Variants in KDM4C observed in about 807,000 individuals in gnomAD.
The protein encoded by KDM4C is lysine demethylase 4C.
In KDM4C, 81 loss-of-function variants were observed where a neutral mutation model predicts 129.3. The observed-to-expected ratio is 0.63, with a 90% CI of 0.52 to 0.75. The LOEUF (loss-of-function observed/expected upper bound fraction) is 0.75, where lower values mean the gene tolerates loss of function less well. Ranked by LOEUF, KDM4C falls within the 30% of genes least tolerant of loss-of-function variation. KDM4C has a pLI of 0.00. For synonymous variants in KDM4C, 573 were observed against 456.1 expected, an observed-to-expected ratio of 1.26 and a Z score of -3.26; for missense variants, 1,457 against 1,304.0, an observed-to-expected ratio of 1.12 and a Z score of -1.81.
intron 8 of KDM4C, among the ~76,000 whole-genome samples, chr9:6,926,645 C>T (rs1203229105): frequency 2.6e-5 from 4 of 152,178 alleles, no homozygotes; most frequent in Non-Finnish European, 5.9e-5. Flanking sequence ...GCTAAGAACA[C>T]ATGGTGGGAA....
Position 6,849,677 on chromosome 9 carries a change from C to T in KDM4C, c.606C>T (p.Leu202=), listed in dbSNP as rs989646532. 10 of 1,594,276 alleles carry T rather than the reference C, an allele frequency of 6.3e-6. No individual in the cohort carries two copies. The South Asian group carries it at 9.0e-5, about 14-fold the overall frequency. ...TGGACCTCTATAGCATTAATTATCT[C>T]CACTTTGGAGAGCCCAAGTCTTGGC... ...EDMDLYSINY[L]HFGEPKSWYA... The change falls in exon 5 of 22, where the codon CTC becomes CTT. Residue 202 remains leucine (L), a synonymous_variant. Coordinates refer to ENST00000381309, the MANE Select transcript of KDM4C (RefSeq NM_015061.6).
intron 17 of KDM4C, among the ~76,000 whole-genome samples, chr9:7,064,231 C>T (rs1001135637): frequency 6.6e-6 from 1 of 151,998 alleles, no homozygotes; most frequent in South Asian, 2.1e-4. Flanking sequence ...ATTTCAAAGA[C>T]TTAGTATGAA....
At chr9:6,865,539 C>T (rs902182231) in intron 5 of KDM4C, among the ~76,000 whole-genome samples, 1 of 151,904 alleles carries the variant, frequency 6.6e-6, no homozygotes. Context: ...TTATTGTAGG[C>T]TTAGTTATTT....
At chr9:6,798,565 T>C (rs374151024) in intron 2 of KDM4C, among the ~76,000 whole-genome samples, 64 of 152,250 alleles carry the variant, frequency 4.2e-4, no homozygotes, top group African/African-American at 1.0e-3. Context: ...GGTAAGGTCA[T>C]AGATCAACAG....
intron 18 of KDM4C, among the ~76,000 whole-genome samples, chr9:7,121,138 G>A (rs1170751898): frequency 1.3e-5 from 2 of 152,056 alleles, no homozygotes; most frequent in Admixed American, 6.6e-5. Context: ...AAGATTTAGC[G>A]GTTTAAACCA....
chr9:6,749,242 C>T (rs1817990002), intron 1 of KDM4C, among the ~76,000 whole-genome samples: 1 of 152,134 alleles, frequency 6.6e-6, no homozygotes, highest in Non-Finnish European at 1.5e-5. Flanking sequence ...TGGTTTCGAA[C>T]CCCCGACCTC....
Position 6,981,129 on chromosome 9 carries a change from C to T in KDM4C, c.1115+11C>T. On this transcript the variant is annotated intron_variant, in intron 9 of 21. Coordinates refer to ENST00000381309, the MANE Select transcript of KDM4C (RefSeq NM_015061.6). Reference sequence around the variant, plus strand: ...AAAAGCATCCCGAAGGTAATGACCCCTCACCCCACTGACCTGCCTTGCCTG... The same window carrying T: ...AAAAGCATCCCGAAGGTAATGACCCTTCACCCCACTGACCTGCCTTGCCTG... 6.2e-7 allele frequency: 1 copy of T among 1,600,700 alleles called. No homozygotes were observed. The highest frequency in any genetic ancestry group is 1.1e-5 in the South Asian group (1 of 89,286).
chr9:7,169,973 C>G, intron 21 of KDM4C, 83 bp downstream of exon 21: 1 of 1,597,424 alleles, frequency 6.3e-7, no homozygotes, highest in South Asian at 1.1e-5. Context: ...CAGCAGGAAA[C>G]ATACTTGGGC....
At chr9:6,809,137 T>A (rs530151937) in intron 3 of KDM4C, among the ~76,000 whole-genome samples, 16 of 152,338 alleles carry the variant, frequency 1.1e-4, no homozygotes, top group African/African-American at 2.9e-4. Context: ...ACATTCTGGC[T>A]ATTCCAAAGA....
intron 19 of KDM4C, among the ~76,000 whole-genome samples, chr9:7,161,198 G>T (rs1378847363): frequency 6.6e-6 from 1 of 152,036 alleles, no homozygotes. Flanking sequence ...GTGCAGTATT[G>T]GGGCAGGCGT....
At chr9:6,848,968 C>T (rs1021044144) in intron 4 of KDM4C, among the ~76,000 whole-genome samples, 20 of 152,100 alleles carry the variant, frequency 1.3e-4, no homozygotes, top group African/African-American at 4.6e-4. Context: ...TAGAGTGGAA[C>T]TTTAAGGAAA....
chr9:6,721,237 CTTTTT>C lies in KDM4C; in HGVS notation c.49+256_49+260del, dbSNP rs35919506. On this transcript the variant is annotated intron_variant, in intron 1 of 17. Transcript: ENST00000536108. ...TACCAGTGCATGCCACTATGCCTGG[CTTTTT>C]TTTTTTTTTTTTTTTAATTTTAAAT... 11 of 90,670 alleles carry C rather than the reference CTTTTT, an allele frequency of 1.2e-4. No individual in the cohort carries two copies. The East Asian group carries it at 1.8e-3, about 15-fold the overall frequency. 5.6% of individuals were successfully genotyped at this position (90,670 alleles called of 1,614,324 possible). A position where few individuals can be genotyped will look rare whatever the true frequency, so the allele number is the denominator to read the frequency against.
intron 8 of KDM4C, among the ~76,000 whole-genome samples, chr9:6,909,264 G>A (rs1047727721): frequency 1.3e-5 from 2 of 152,186 alleles, no homozygotes; most frequent in Non-Finnish European, 2.9e-5. Flanking sequence ...TGGAGTTCAC[G>A]ATGTGGCCAA....
At chr9:6,910,237 C>T (rs947382535) in intron 8 of KDM4C, among the ~76,000 whole-genome samples, 15 of 152,058 alleles carry the variant, frequency 9.9e-5, no homozygotes, top group Admixed American at 6.5e-4. Flanking sequence ...AGCAGCACTA[C>T]ATTAATATAT....
At chr9:6,969,729 T>G (rs1831625398) in intron 8 of KDM4C, among the ~76,000 whole-genome samples, 2 of 152,222 alleles carry the variant, frequency 1.3e-5, no homozygotes, top group Non-Finnish European at 2.9e-5. Flanking sequence ...ATTTAAAATT[T>G]TTTTTCTATG....
At chr9:7,016,618 G>C (rs1465530465) in intron 15 of KDM4C, among the ~76,000 whole-genome samples, 1 of 151,482 alleles carries the variant, frequency 6.6e-6, no homozygotes, top group African/African-American at 2.4e-5. Flanking sequence ...TAGAGACGGG[G>C]TTTCACCTTG....
intron 4 of KDM4C, among the ~76,000 whole-genome samples, chr9:6,822,942 G>C (rs1833278114): frequency 6.6e-6 from 1 of 152,218 alleles, no homozygotes; most frequent in Admixed American, 6.5e-5. Context: ...ACCTATGTTA[G>C]TACAGTGACA....
intron 4 of KDM4C, among the ~76,000 whole-genome samples, chr9:6,828,929 A>C (rs1834344566): frequency 1.3e-5 from 2 of 152,086 alleles, no homozygotes; most frequent in African/African-American, 2.4e-5. Context: ...TTCTCTTTTC[A>C]CTCTTCTCTT....
intron 4 of KDM4C, among the ~76,000 whole-genome samples, chr9:6,821,211 T>A (rs1271548348): frequency 6.6e-6 from 1 of 152,190 alleles, no homozygotes; most frequent in Non-Finnish European, 1.5e-5. Context: ...AGTAGCATGA[T>A]TTATAATCCT....
Sources: allele counts gnomAD v4.1 joint callset (sites outside exome capture counted in the v4.1 genomes callset), GRCh38; gene constraint gnomAD v4.1.1; transcripts MANE v1.5; gene names NCBI Gene and HGNC (gene_info 2026-07-23, HGNC 2026-07-21).